Variants in CCSER1 observed in about 807,000 individuals in gnomAD.
CCSER1 encodes the protein serine-rich coiled-coil domain-containing protein 1.
In CCSER1, 41 loss-of-function variants were observed where a neutral mutation model predicts 82.0. The ratio of observed to expected loss-of-function variants is 0.50; its 90% confidence interval spans 0.39 to 0.65. The LOEUF (loss-of-function observed/expected upper bound fraction) is 0.65. Among genes scored for constraint, CCSER1 ranks in the 30% least tolerant of loss-of-function variants. CCSER1 has a pLI of 0.00. For synonymous variants in CCSER1, 414 were observed against 383.9 expected (o/e 1.08, Z -0.92); for missense variants, 1,119 against 1,064.2 (o/e 1.05, Z -0.72).
At chr4:90,535,323 G>A (rs1055087002) in intron 5 of CCSER1, among the ~76,000 whole-genome samples, 3 of 152,120 alleles carry the variant, frequency 2.0e-5, no homozygotes, top group South Asian at 4.2e-4. Flanking sequence ...AGTGGTTCAC[G>A]CCTGTAATCC....
intron 1 of CCSER1, among the ~76,000 whole-genome samples, chr4:90,153,861 T>C (rs994110981): frequency 2.0e-5 from 3 of 152,220 alleles, no homozygotes; most frequent in Admixed American, 2.0e-4. Flanking sequence ...TAGTTTCTTT[T>C]GCTGTGCAGA....
At chr4:90,469,019 A>C (rs563557203) in intron 5 of CCSER1, among the ~76,000 whole-genome samples, 75 of 152,114 alleles carry the variant, frequency 4.9e-4, no homozygotes, top group African/African-American at 1.8e-3. Context: ...AAAGGAAAAA[A>C]CCTGCTGAGT....
rs573943863 is a variant in CCSER1 at position 90,498,868 on chromosome 4, A to G, written c.1724+30514A>G. On this transcript the variant is annotated intron_variant, in intron 5 of 10. Coordinates refer to ENST00000509176, the MANE Select transcript of CCSER1 (RefSeq NM_001145065.2). ...CAGGTATTATAGAGAAGTGCCACTT[A>G]ACAATTTAAATAGAGGCAGAAATGA... is the stretch of plus-strand genomic sequence containing the variant. 2.6e-5 allele frequency among the ~76,000 whole-genome samples: 4 copies of G among 152,286 alleles called. No homozygotes were observed. In the South Asian group the frequency reaches 8.3e-4, roughly 32 times the overall value.
At chr4:91,593,751 A>T (rs550131521) in intron 10 of CCSER1, among the ~76,000 whole-genome samples, 40 of 152,320 alleles carry the variant, frequency 2.6e-4, no homozygotes, top group African/African-American at 9.6e-4. Context: ...AACTGAACAC[A>T]AAATAAATTG....
At chr4:91,478,663 T>A (rs7675549) in intron 10 of CCSER1, among the ~76,000 whole-genome samples, 104,342 of 151,362 alleles carry the variant, frequency 0.69, 36,296 homozygotes, top group East Asian at 0.91. Context: ...TGATTTTTTT[T>A]AAATGTCAAA....
At chr4:91,558,352 A>C (rs1560762349) in intron 10 of CCSER1, among the ~76,000 whole-genome samples, 2 of 151,668 alleles carry the variant, frequency 1.3e-5, no homozygotes, top group Admixed American at 6.6e-5. Context: ...TTTTTTGATA[A>C]TTATTAAGAA....
chr4:90,309,371 T>C lies in CCSER1; in HGVS notation c.1087T>C (p.Ser363Pro), dbSNP rs755559245. Residue 363 changes from serine (S) to proline (P), a missense_variant, in exon 2 of 11, where the codon TCA becomes CCA. Physicochemically the swap from Ser to Pro is moderately conservative, Grantham distance 74 (BLOSUM62 -1). Transcript: ENST00000509176. ...ACTACCTGCTACAAGTGTGAGCCAC[T>C]CAGAGAGTAACCTACCAGCAGATAG... ...AELPATSVSH[S>P]ESNLPADSER... The C allele has an allele frequency of 2.5e-6, 4 of 1,613,800 alleles. No individual in the cohort carries two copies.
chr4:90,554,614 A>G (rs1248006297), intron 5 of CCSER1, among the ~76,000 whole-genome samples: 1 of 152,230 alleles, frequency 6.6e-6, no homozygotes, highest in Non-Finnish European at 1.5e-5. Flanking sequence ...GCTACATACC[A>G]GCCAGCTAAA....
chr4:90,208,044 C>A (rs527619520), intron 1 of CCSER1, among the ~76,000 whole-genome samples: 26 of 152,126 alleles, frequency 1.7e-4, no homozygotes, highest in African/African-American at 5.5e-4. Context: ...AGATCTGCTG[C>A]TCTCTTCAGA....
At chr4:90,804,794 C>T (rs13122202) in intron 7 of CCSER1, among the ~76,000 whole-genome samples, 51,723 of 151,852 alleles carry the variant, frequency 0.34, 9,016 homozygotes, top group East Asian at 0.42. Flanking sequence ...GGACAAACTA[C>T]CCAAATTTCT....
At chr4:90,468,212 A>T in intron 4 of CCSER1, 22 bp from the exon 5 acceptor site, 1 of 1,576,848 alleles carries the variant, frequency 6.3e-7, no homozygotes. Context: ...GACATTTACA[A>T]TTCCTCGGTT....
At chr4:91,227,293 A>C (rs1738271887) in intron 10 of CCSER1, among the ~76,000 whole-genome samples, 1 of 151,932 alleles carries the variant, frequency 6.6e-6, no homozygotes, top group African/African-American at 2.4e-5. Flanking sequence ...TTTAGTTAAA[A>C]AAAAAGGAAA....
chr4:91,370,521 C>G (rs1749959882), intron 10 of CCSER1, among the ~76,000 whole-genome samples: 1 of 151,748 alleles, frequency 6.6e-6, no homozygotes, highest in Non-Finnish European at 1.5e-5. Context: ...ATGGTGAAAC[C>G]CTGTCTCTAC....
At chr4:90,154,999 T>C (rs1390953546) in intron 1 of CCSER1, among the ~76,000 whole-genome samples, 2 of 152,196 alleles carry the variant, frequency 1.3e-5, no homozygotes, top group Admixed American at 1.3e-4. Context: ...CCATTCAGTA[T>C]GATATTGGCT....
chr4:90,551,706 C>CTATATATATA (rs1553940962), intron 5 of CCSER1, among the ~76,000 whole-genome samples: 139 of 104,208 alleles, frequency 1.3e-3, no homozygotes, highest in East Asian at 4.9e-3. Flanking sequence ...CTCTCTCTCT[C>CTATATATATA]TATATATATA....
rs143026651 is a variant in CCSER1 at position 90,601,163 on chromosome 4, T to A, written c.1725-26862T>A. ...TTTTATGTTTTATTCTTGCCTTATT[T>A]CATAGGCTAGAGTCTTCAGTACAAT... On this transcript the variant is annotated intron_variant, in intron 5 of 10. Coordinates refer to ENST00000509176, the MANE Select transcript of CCSER1 (RefSeq NM_001145065.2). 8.1e-4 allele frequency among the ~76,000 whole-genome samples: 123 copies of A among 152,192 alleles called. 1 individual carries two copies. In the East Asian group the frequency reaches 0.017, roughly 21 times the overall value.
At chr4:91,463,220 C>G (rs928319331) in intron 10 of CCSER1, among the ~76,000 whole-genome samples, 2 of 152,198 alleles carry the variant, frequency 1.3e-5, no homozygotes, top group African/African-American at 2.4e-5. Flanking sequence ...TGTTCTGCAG[C>G]CTCCGCTGCT....
At chr4:90,901,001 A>AT (rs1724558835) in intron 8 of CCSER1, among the ~76,000 whole-genome samples, 1 of 151,796 alleles carries the variant, frequency 6.6e-6, no homozygotes, top group Non-Finnish European at 1.5e-5. Context: ...GGATAGTTAA[A>AT]TCTTCTTAAA....
At chr4:90,719,340 C>T (rs552298061) in intron 6 of CCSER1, among the ~76,000 whole-genome samples, 1 of 152,190 alleles carries the variant, frequency 6.6e-6, no homozygotes, top group Non-Finnish European at 1.5e-5. Flanking sequence ...TGCAGGAAAA[C>T]AGGATCAGGG....
Sources: allele counts gnomAD v4.1 joint callset (sites outside exome capture counted in the v4.1 genomes callset), GRCh38; gene constraint gnomAD v4.1.1; transcripts MANE v1.5; gene names NCBI Gene and HGNC (gene_info 2026-07-23, HGNC 2026-07-21).